FAM91A1: variants seen among roughly 807,000 people sequenced by gnomAD.
FAM91A1 encodes protein FAM91A1.
Under a neutral mutation model 113.5 loss-of-function variants are expected in FAM91A1, and 41 were observed. The ratio of observed to expected loss-of-function variants is 0.36; its 90% CI spans 0.28 to 0.47. The LOEUF (loss-of-function observed/expected upper bound fraction) is 0.47, where lower values mean the gene tolerates loss of function less well. Ranked by LOEUF, FAM91A1 falls within the 20% of genes least tolerant of loss-of-function variation. FAM91A1 has a pLI of 1.00. For synonymous variants in FAM91A1, 307 were observed against 347.9 expected, an observed-to-expected ratio of 0.88 and a Z score of 1.31; for missense variants, 696 against 1,001.2, an observed-to-expected ratio of 0.70 and a Z score of 4.11.
At chr8:123,803,610 C>G (rs1232275050) in intron 18 of FAM91A1, among the ~76,000 whole-genome samples, 1 of 152,068 alleles carries the variant, frequency 6.6e-6, no homozygotes, top group African/African-American at 2.4e-5. Context: ...GCTGACAGTA[C>G]TGTTTTTAAA....
chr8:123,806,039 T>C (rs1815794047), intron 19 of FAM91A1, 41 bp from the exon 20 acceptor site: 3 of 1,489,720 alleles, frequency 2.0e-6, no homozygotes, highest in Middle Eastern at 2.5e-4. Context: ...CGTTGTGTTA[T>C]TAGAAACTGT....
rs370083598 is a variant in FAM91A1, at chr8:123,780,485, T to A, written c.646T>A (p.Tyr216Asn). 6.2e-7 allele frequency: 1 copy of A among 1,611,126 alleles called. No homozygotes were observed. Among genetic ancestry groups the A allele is most frequent in the Non-Finnish European group, 8.5e-7 (1 of 1,178,550 alleles). Reference sequence around the variant, plus strand: ...AGGTACTTTTGTTTCTTCAGGTTTGTATAACAAAGGATTTATTTATCTGGA... The same window carrying A: ...AGGTACTTTTGTTTCTTCAGGTTTGAATAACAAAGGATTTATTTATCTGGA... ...SLDYNVVHSL[Y>N]NKGFIYLDVP... Residue 216 changes from tyrosine to asparagine, a missense_variant, in exon 8 of 24, where the codon TAT (tyrosine) becomes AAT (asparagine). Physicochemically the swap from Tyr to Asn is moderately radical, Grantham distance 143 (BLOSUM62 -2). Transcript: ENST00000334705.
intron 8 of FAM91A1, among the ~76,000 whole-genome samples, chr8:123,782,399 A>G (rs537739685): frequency 9.2e-5 from 14 of 152,360 alleles, no homozygotes; most frequent in Admixed American, 2.6e-4. Context: ...CAAAAGAGGC[A>G]TTTCAGATAC....
chr8:123,808,476 A>T (rs1386969021), intron 21 of FAM91A1, 100 bp downstream of exon 21: 1 of 828,226 alleles, frequency 1.2e-6, no homozygotes, highest in Admixed American at 3.2e-5. Context: ...CTTATTATTC[A>T]TACGACTTTT....
chr8:123,793,908 A>T (rs921863712), intron 15 of FAM91A1, among the ~76,000 whole-genome samples: 2 of 152,170 alleles, frequency 1.3e-5, no homozygotes, highest in South Asian at 4.1e-4. Flanking sequence ...GAGCAATAGG[A>T]TTTCGTATTG....
rs2130059354 is a variant in FAM91A1, at chr8:123,778,641, A to G, written c.436-18A>G. ...GTAGTTTTAGATTGCAAATTCTCAA[A>G]TGTTTGTACCATTGCAGAAATTCTT... On this transcript the variant is annotated intron_variant, in intron 5 of 23. Coordinates refer to ENST00000334705, the MANE Select transcript of FAM91A1 (RefSeq NM_144963.4). 1 of 1,586,550 alleles carries G rather than the reference A, an allele frequency of 6.3e-7. No homozygotes were observed. The highest frequency in any genetic ancestry group is 1.3e-5 in the African/African-American group (1 of 74,390).
At chr8:123,780,129 A>C (rs550199740) in intron 7 of FAM91A1, 54 bp downstream of exon 7, 1 of 1,452,958 alleles carries the variant, frequency 6.9e-7, no homozygotes, top group Admixed American at 1.8e-5. Context: ...GTTTTAAACC[A>C]TCAATAATTA....
chr8:123,771,230 G>T (rs7846164), intron 1 of FAM91A1, among the ~76,000 whole-genome samples: 2 of 151,976 alleles, frequency 1.3e-5, no homozygotes, highest in Non-Finnish European at 2.9e-5. Flanking sequence ...GGTGCATTTT[G>T]TGGTTACAAT....
intron 9 of FAM91A1, 28 bp downstream of exon 9, chr8:123,784,604 A>G (rs1326721673): frequency 6.7e-7 from 1 of 1,493,512 alleles, no homozygotes; most frequent in African/African-American, 1.4e-5. Context: ...TCATGAAAAT[A>G]TAATCTCAAG....
chr8:123,804,552 G>C (rs1303652414), intron 18 of FAM91A1, among the ~76,000 whole-genome samples: 2 of 137,144 alleles, frequency 1.5e-5, no homozygotes, highest in Non-Finnish European at 3.1e-5. Flanking sequence ...TCACTCCCCT[G>C]CTAACCCTAT....
In FAM91A1 at chr8:123,809,150, C is replaced by G; in HGVS notation, c.2261+134C>G. On this transcript the variant is annotated intron_variant, in intron 22 of 23. Transcript: ENST00000334705. Reference sequence around the variant, plus strand: ...ATATATTTGTTGATTGAATAGAGATCGCTAGTTTAAGGGTTTTGCTGTATT... The same window carrying G: ...ATATATTTGTTGATTGAATAGAGATGGCTAGTTTAAGGGTTTTGCTGTATT... 5.5e-6 allele frequency: 7 copies of G among 1,267,350 alleles called. No individual in the cohort carries two copies. In the South Asian group the frequency reaches 1.6e-4, roughly 29 times the overall value. The allele number at this position is 1,267,350 out of a possible 1,614,324, so 78.5% of individuals were successfully genotyped here. A position where few individuals can be genotyped will look rare whatever the true frequency, so the allele number is the denominator to read the frequency against.
chr8:123,810,674 T>C (rs1815932587), intron 23 of FAM91A1: 2 of 358,408 alleles, frequency 5.6e-6, no homozygotes, highest in East Asian at 7.0e-5. Flanking sequence ...AAAGCGATTC[T>C]CCACTGCTGG....
rs746163739 is a variant in FAM91A1 at position 123,799,598 on chromosome 8, C to T, written c.1639C>T (p.Pro547Ser). The change falls in exon 17 of 24, where the codon CCA becomes TCA. Residue 547 changes from proline to serine, a missense_variant. Pro to Ser is a moderately conservative substitution (Grantham distance 74). Coordinates refer to ENST00000334705, the MANE Select transcript of FAM91A1 (RefSeq NM_144963.4). ...YIYHVTGQGP[P>S]SLLLSKGTRL... Reference sequence around the variant, plus strand: ...TTATCATGTCACTGGACAAGGACCACCATCCCTTTTATTGTCCAAAGGTAC... The same window carrying T: ...TTATCATGTCACTGGACAAGGACCATCATCCCTTTTATTGTCCAAAGGTAC... 2 of 1,614,074 alleles carry T rather than the reference C, an allele frequency of 1.2e-6. No individual in the cohort carries two copies. Among genetic ancestry groups the T allele is most frequent in the Admixed American group, 3.3e-5 (2 of 60,016 alleles).
chr8:123,770,707 C>T (rs1329026599), intron 1 of FAM91A1, among the ~76,000 whole-genome samples: 1 of 152,050 alleles, frequency 6.6e-6, no homozygotes, highest in African/African-American at 2.4e-5. Flanking sequence ...TTAGTATTGG[C>T]AAAAGAGTTT....
At chr8:123,778,414 A>T (rs943268565) in intron 5 of FAM91A1, among the ~76,000 whole-genome samples, 1 of 152,132 alleles carries the variant, frequency 6.6e-6, no homozygotes, top group Non-Finnish European at 1.5e-5. Context: ...CTTGGGTTTC[A>T]CTTGAGTTTG....
chr8:123,801,017 T>G (rs952745111), intron 18 of FAM91A1, among the ~76,000 whole-genome samples: 3 of 152,212 alleles, frequency 2.0e-5, no homozygotes, highest in Non-Finnish European at 4.4e-5. Context: ...GGACATATGT[T>G]TTTATTTCTC....
intron 9 of FAM91A1, chr8:123,784,853 G>A (rs578055549): frequency 1.2e-5 from 5 of 408,788 alleles, no homozygotes; most frequent in East Asian, 8.1e-5. Flanking sequence ...TAAATGAGAC[G>A]AAATTAAAGA....
At chr8:123,785,848 C>A in intron 11 of FAM91A1, 107 bp downstream of exon 11, 1 of 678,558 alleles carries the variant, frequency 1.5e-6, no homozygotes, top group South Asian at 2.4e-5. Context: ...GACAAAGTCT[C>A]TCTCTGTCAT....
Position 123,815,193 on chromosome 8 carries a change from G to C in FAM91A1, c.*2489G>C, listed in dbSNP as rs1816044993. 1 of 151,508 alleles carries C rather than the reference G, an allele frequency of 6.6e-6. No individual in the cohort carries two copies. The highest frequency in any genetic ancestry group is 6.6e-5 in the Admixed American group (1 of 15,160). The allele number at this position is 151,508 out of a possible 1,614,324, so 9.4% of individuals were successfully genotyped here. ...CAGATGATTTTATGTTTTTTTTTCA[G>C]GGGAGCGGAATATTGGTTTCTTTTA... On this transcript the variant is annotated 3_prime_UTR_variant, in exon 24 of 24. Transcript: ENST00000334705.
Sources: allele counts gnomAD v4.1 joint callset (sites outside exome capture counted in the v4.1 genomes callset), GRCh38; gene constraint gnomAD v4.1.1; transcripts MANE v1.5; gene names NCBI Gene and HGNC (gene_info 2026-07-23, HGNC 2026-07-21).